CCDC88C: variants seen among roughly 807,000 people sequenced by gnomAD.
The protein encoded by CCDC88C is coiled-coil and HOOK domain protein 88C.
Under a neutral mutation model 198.8 loss-of-function variants are expected in CCDC88C, and 131 were observed. The ratio of observed to expected loss-of-function variants is 0.66; its 90% CI spans 0.57 to 0.76. The LOEUF is 0.76. Among genes scored for constraint, CCDC88C ranks in the 30% least tolerant of loss-of-function variants. The pLI, the probability that CCDC88C is intolerant of heterozygous loss-of-function variation, is 0.00. For missense variants in CCDC88C, 2,553 were observed against 2,631.6 expected, an observed-to-expected ratio of 0.97 and a Z score of 0.65; for synonymous variants, 1,166 against 1,114.7, an observed-to-expected ratio of 1.05 and a Z score of -0.92.
intron 4 of CCDC88C, among the ~76,000 whole-genome samples, chr14:91,359,160 CTTTTTT>C (rs950112450): frequency 1.8e-5 from 2 of 108,654 alleles, no homozygotes; most frequent in African/African-American, 3.5e-5. Context: ...AGGCTTCATT[CTTTTTT>C]TTTTTTTTTT....
intron 16 of CCDC88C, among the ~76,000 whole-genome samples, chr14:91,309,352 C>T (rs1891704654): frequency 6.6e-6 from 1 of 152,124 alleles, no homozygotes; most frequent in Non-Finnish European, 1.5e-5. Flanking sequence ...CCTGTAATCC[C>T]AGCATTTTGG....
At chr14:91,319,684 C>T (rs556642162) in intron 13 of CCDC88C, among the ~76,000 whole-genome samples, 3 of 152,260 alleles carry the variant, frequency 2.0e-5, no homozygotes, top group East Asian at 1.9e-4. Context: ...GTGCCGAATC[C>T]GTCACACACA....
At chr14:91,343,703 T>C (rs375977906) in intron 4 of CCDC88C, 46 bp from the exon 5 acceptor site, 119 of 1,610,366 alleles carry the variant, frequency 7.4e-5, no homozygotes, top group Non-Finnish European at 9.3e-5. Context: ...ACTGCTGATA[T>C]AATTTCAGTG....
rs140540629 is a variant in CCDC88C at position 91,329,142 on chromosome 14, C to T, written c.1051-3086G>A. Among the ~76,000 whole-genome samples the T allele has an allele frequency of 1.1e-4, 17 of 152,340 alleles. No homozygotes were observed. The East Asian group carries it at 3.3e-3, about 29-fold the overall frequency. ...CCTGCTCATCCAGCTTCATGGACAT[C>T]CCTTGAACTTCACCGAAGACCTGCC... On this transcript the variant is annotated intron_variant, in intron 10 of 29. Transcript: ENST00000389857.
At chr14:91,402,698 A>G (rs1214515723) in intron 3 of CCDC88C, among the ~76,000 whole-genome samples, 1 of 152,180 alleles carries the variant, frequency 6.6e-6, no homozygotes, top group Admixed American at 6.5e-5. Flanking sequence ...GAAAATTTTT[A>G]TTTCTTAAAA....
rs574036975 is a variant in CCDC88C, at chr14:91,335,619, C to T, written c.1050+2386G>A. On this transcript the variant is annotated intron_variant, in intron 10 of 29. Coordinates refer to ENST00000389857, the MANE Select transcript of CCDC88C (RefSeq NM_001080414.4). ...GTGTTGCATCCTAACCATGTGCTGCCTGCCTGCTTCCCTCCCCAGAGGCTA... is the reference window on the plus strand; with the variant it reads ...GTGTTGCATCCTAACCATGTGCTGCTTGCCTGCTTCCCTCCCCAGAGGCTA... 3.0e-3 allele frequency among the ~76,000 whole-genome samples: 460 copies of T among 152,316 alleles called. 5 individuals carry two copies. The highest frequency in any genetic ancestry group is 0.01 in the African/African-American group (436 of 41,568).
At position 91,281,532 on chromosome 14, in the gene CCDC88C, T is replaced by C; in HGVS notation, c.4631-7A>G. ...TTGTCATCTGAGTTATAGCCTAAGG[T>C]GAAAATAAGGCTAGTGAGTCATGGT... On this transcript the variant is annotated splice_polypyrimidine_tract_variant and splice_region_variant and intron_variant, in intron 26 of 29. Coordinates refer to ENST00000389857, the MANE Select transcript of CCDC88C (RefSeq NM_001080414.4). 6.2e-7 allele frequency: 1 copy of C among 1,613,498 alleles called. No individual in the cohort carries two copies. The highest frequency in any genetic ancestry group is 8.5e-7 in the Non-Finnish European group (1 of 1,179,632).
intron 3 of CCDC88C, among the ~76,000 whole-genome samples, chr14:91,402,298 A>C (rs143800950): frequency 2.0e-4 from 29 of 148,558 alleles, no homozygotes; most frequent in East Asian, 1.4e-3. Context: ...ACAACAACAA[A>C]AAAACACAAA....
intron 3 of CCDC88C, among the ~76,000 whole-genome samples, chr14:91,391,282 C>T (rs1391068274): frequency 2.6e-5 from 4 of 151,908 alleles, no homozygotes; most frequent in African/African-American, 4.8e-5. Flanking sequence ...ACTGGGTGCC[C>T]GTTTTTAATT....
In CCDC88C at chr14:91,321,292, G is replaced by A. The variant is rs183433822; in HGVS notation, c.1355C>T (p.Ser452Leu). The part of the protein sequence containing the change: ...NADLSDASRK[S>L]FVFELNECAS... ...ACATTCGTTCAGCTCAAACACAAAC[G>A]ACTTCCTGGAGGCTGAAGACAAAGT... Residue 452 changes from serine (S) to leucine (L), a missense_variant, in exon 13 of 30, where the codon TCG becomes TTG. Ser to Leu is a moderately radical substitution (Grantham distance 145). This residue lies in a region of CCDC88C where 1,260 missense variants were observed against 1,412.0 expected (regional missense o/e 0.89). Coordinates refer to ENST00000389857, the MANE Select transcript of CCDC88C (RefSeq NM_001080414.4). 9.6e-6 allele frequency: 15 copies of A among 1,555,376 alleles called. No individual in the cohort carries two copies. The Admixed American group carries it at 9.7e-5, about 10-fold the overall frequency.
In CCDC88C at chr14:91,356,592, T is replaced by C. The variant is rs557068525; in HGVS notation, c.340+3050A>G. ...TCTTAACATTCTAAAAACTGAATTG[T>C]GGTTAGGGTTTTACAGCTTTGTATA... On this transcript the variant is annotated intron_variant, in intron 4 of 29. Transcript: ENST00000389857. Among the ~76,000 whole-genome samples the C allele has an allele frequency of 2.9e-4, 44 of 152,128 alleles. No individual in the cohort carries two copies. The South Asian group carries it at 8.3e-3, about 29-fold the overall frequency.
At chr14:91,392,750 C>T (rs1567118401) in intron 3 of CCDC88C, among the ~76,000 whole-genome samples, 1 of 151,044 alleles carries the variant, frequency 6.6e-6, no homozygotes, top group Non-Finnish European at 1.5e-5. Context: ...TCTCACCACG[C>T]CCCTCACTCT....
intron 1 of CCDC88C, 118 bp from the exon 2 acceptor site, chr14:91,416,956 G>A (rs916828769): frequency 2.1e-5 from 15 of 712,606 alleles, no homozygotes; most frequent in African/African-American, 3.5e-5. Context: ...GGTCACCCAC[G>A]CCCACACCAC....
chr14:91,279,388 G>A, intron 27 of CCDC88C, 82 bp from the exon 28 acceptor site: 1 of 1,191,914 alleles, frequency 8.4e-7, no homozygotes, highest in South Asian at 1.4e-5. Context: ...AAACGATGCA[G>A]CAAAACAATC....
chr14:91,395,140 C>A (rs1170821043), intron 3 of CCDC88C, among the ~76,000 whole-genome samples: 1 of 152,194 alleles, frequency 6.6e-6, no homozygotes, highest in Non-Finnish European at 1.5e-5. Context: ...AGGAACCCAC[C>A]ATTCGACCTT....
At chr14:91,332,098 T>TA (rs1385629456) in intron 10 of CCDC88C, among the ~76,000 whole-genome samples, 1 of 152,140 alleles carries the variant, frequency 6.6e-6, no homozygotes, top group Non-Finnish European at 1.5e-5. Context: ...TAGAGAGCCA[T>TA]AAATCACACA....
intron 4 of CCDC88C, among the ~76,000 whole-genome samples, chr14:91,357,312 C>T (rs1345490560): frequency 6.6e-6 from 1 of 152,244 alleles, no homozygotes; most frequent in Non-Finnish European, 1.5e-5. Context: ...AGTGCAGTGG[C>T]ACAATCACAG....
intron 5 of CCDC88C, among the ~76,000 whole-genome samples, chr14:91,342,666 G>A (rs532730121): frequency 6.6e-6 from 1 of 152,256 alleles, no homozygotes; most frequent in South Asian, 2.1e-4. Context: ...AGAATCACCT[G>A]GGGAGCTTGT....
chr14:91,329,142 C>A (rs140540629), intron 10 of CCDC88C, among the ~76,000 whole-genome samples: 1 of 152,222 alleles, frequency 6.6e-6, no homozygotes, highest in Non-Finnish European at 1.5e-5. Context: ...TCATGGACAT[C>A]CCTTGAACTT....
Sources: allele counts gnomAD v4.1 joint callset (sites outside exome capture counted in the v4.1 genomes callset), GRCh38; gene constraint gnomAD v4.1.1; regional missense constraint gnomAD v4.1.1; transcripts MANE v1.5; gene names NCBI Gene and HGNC (gene_info 2026-07-23, HGNC 2026-07-21).